Variants in CTNNA2 observed in about 807,000 individuals in gnomAD.
CTNNA2 encodes the protein catenin alpha 2, also known as catenin alpha-2.
CTNNA2 carries 42 observed loss-of-function variants against 101.0 expected under a neutral mutation model. The ratio of observed to expected loss-of-function variants is 0.42; its 90% CI spans 0.32 to 0.54. The LOEUF (loss-of-function observed/expected upper bound fraction) is 0.54. CTNNA2 is among the 20% of genes least tolerant of loss of function. The probability of loss-of-function intolerance (pLI) is 0.14; values close to 1 mark genes in which losing one functional copy is unlikely to be tolerated. For missense variants in CTNNA2, 871 were observed against 1,223.1 expected, an observed-to-expected ratio of 0.71 and a Z score of 4.29; for synonymous variants, 450 against 456.4, an observed-to-expected ratio of 0.99 and a Z score of 0.18.
chr2:79,310,866 T>C (rs1676351615), intron 2 of CTNNA2, among the ~76,000 whole-genome samples: 1 of 152,228 alleles, frequency 6.6e-6, no homozygotes, highest in South Asian at 2.1e-4. Context: ...ATAATTGTTC[T>C]TCATTTTCTC....
At chr2:80,283,270 G>T (rs886567250) in intron 7 of CTNNA2, among the ~76,000 whole-genome samples, 6 of 152,090 alleles carry the variant, frequency 3.9e-5, no homozygotes, top group Non-Finnish European at 8.8e-5. Flanking sequence ...AGGTCAGGGT[G>T]CAGGGAGGGG....
rs1046015109 is a variant in CTNNA2, at chr2:80,604,121, A to G, written c.2237A>G (p.Lys746Arg). The G allele has an allele frequency of 6.2e-7, 1 of 1,613,248 alleles. No individual in the cohort carries two copies. The highest frequency in any genetic ancestry group is 1.7e-5 in the Admixed American group (1 of 59,874). Residue 746 changes from lysine to arginine, a missense_variant, in exon 16 of 19, where the codon AAG (lysine) becomes AGG (arginine). Around this residue, in one of 5 missense-constraint regions of CTNNA2, gnomAD observed 93 missense variants for 223.7 expected, o/e 0.42. Coordinates refer to ENST00000402739, the MANE Select transcript of CTNNA2 (RefSeq NM_001282597.3). ...KNTSDVINAA[K>R]KIAEAGSRMD... ...ACATCTGATGTCATTAATGCTGCCA[A>G]GAAAATTGCCGAAGCAGGTTCTCGA...
chr2:79,794,428 AG>A (rs1197119784), intron 3 of CTNNA2, among the ~76,000 whole-genome samples: 1 of 152,322 alleles, frequency 6.6e-6, no homozygotes, highest in East Asian at 1.9e-4. Flanking sequence ...ACATATAAAA[AG>A]CTGTACATAT....
intron 2 of CTNNA2, among the ~76,000 whole-genome samples, chr2:79,715,205 C>CAAAAAAAAAAA (rs140432724): frequency 3.0e-5 from 2 of 66,334 alleles, no homozygotes; most frequent in South Asian, 5.7e-4. Flanking sequence ...AAAATTCCGT[C>CAAAAAAAAAAA]AAAAAAAAAA....
intron 7 of CTNNA2, among the ~76,000 whole-genome samples, chr2:80,297,952 G>A (rs181436514): frequency 1.3e-5 from 2 of 151,772 alleles, no homozygotes; most frequent in African/African-American, 4.8e-5. Context: ...TTACATAATG[G>A]TCACCTGCCT....
chr2:80,513,268 G>A (rs151032162), intron 9 of CTNNA2, among the ~76,000 whole-genome samples: 34 of 152,250 alleles, frequency 2.2e-4, no homozygotes, highest in African/African-American at 7.9e-4. Context: ...ATACCACCTG[G>A]CTTCTTCCCT....
intron 3 of CTNNA2, among the ~76,000 whole-genome samples, chr2:79,757,671 C>T (rs2105066092): frequency 6.6e-6 from 1 of 152,296 alleles, no homozygotes; most frequent in East Asian, 1.9e-4. Flanking sequence ...GCAAACCTGT[C>T]CACCCGAGAA....
At chr2:80,166,773 A>C (rs570619080) in intron 7 of CTNNA2, among the ~76,000 whole-genome samples, 1 of 151,934 alleles carries the variant, frequency 6.6e-6, no homozygotes, top group Non-Finnish European at 1.5e-5. Context: ...ATTTGTATTA[A>C]CTCTGGGAAG....
In CTNNA2 at chr2:79,717,352, G is replaced by A. The variant is rs558553269; in HGVS notation, c.103-27035G>A. On this transcript the variant is annotated intron_variant, in intron 2 of 18. Transcript: ENST00000402739. ...TTCTCAGTTTTGTTAGGTGTCCTTC[G>A]ACTTTTAATCACTGTGAAGAAATAG... Among the ~76,000 whole-genome samples, 149 of 152,176 alleles carry A rather than the reference G, an allele frequency of 9.8e-4. 1 individual carries two copies. The highest frequency in any genetic ancestry group is 3.4e-3 in the African/African-American group (140 of 41,512).
chr2:79,682,887 A>G (rs1030340415), intron 2 of CTNNA2, among the ~76,000 whole-genome samples: 4 of 152,250 alleles, frequency 2.6e-5, no homozygotes, highest in Admixed American at 2.6e-4. Flanking sequence ...CACTAGCAAG[A>G]GGAATATTAC....
At chr2:80,616,316 C>A (rs1316853704) in intron 17 of CTNNA2, 1 of 151,634 alleles carries the variant, frequency 6.6e-6, no homozygotes, top group Non-Finnish European at 1.5e-5. Context: ...CGAGAACTTC[C>A]AATTTGAATC....
chr2:79,341,524 G>A (rs1361166292), intron 3 of CTNNA2, among the ~76,000 whole-genome samples: 18 of 152,122 alleles, frequency 1.2e-4, no homozygotes. Context: ...GGTTTTCCAC[G>A]AATCTGTTAT....
At chr2:80,071,043 A>G (rs538420813) in intron 7 of CTNNA2, among the ~76,000 whole-genome samples, 10 of 152,330 alleles carry the variant, frequency 6.6e-5, no homozygotes, top group African/African-American at 2.4e-4. Flanking sequence ...ACTCTTTTTA[A>G]AAATCAGGTA....
rs188397510 is a variant in CTNNA2, at chr2:80,593,174, A to G, written c.2189+3689A>G. Among the ~76,000 whole-genome samples the G allele has an allele frequency of 6.5e-3, 983 of 152,244 alleles. 10 individuals are homozygous for G. The highest frequency in any genetic ancestry group is 0.021 in the African/African-American group (861 of 41,552). The stretch of plus-strand genomic sequence containing the variant: ...TACCCATAGCATCTTTTACAAACCC[A>G]CAAAATAGAAAATCTGGTCTAAGGT... On this transcript the variant is annotated intron_variant, in intron 15 of 18. Coordinates refer to ENST00000402739, the MANE Select transcript of CTNNA2 (RefSeq NM_001282597.3).
intron 12 of CTNNA2, among the ~76,000 whole-genome samples, chr2:80,565,600 G>GCAAC (rs113194636): frequency 6.6e-6 from 1 of 151,272 alleles, no homozygotes; most frequent in East Asian, 2.0e-4. Flanking sequence ...TTGCCTGGTA[G>GCAAC]AAACAGTGTG....
intron 3 of CTNNA2, among the ~76,000 whole-genome samples, chr2:79,334,056 C>G (rs928463571): frequency 6.6e-6 from 1 of 152,124 alleles, no homozygotes; most frequent in Non-Finnish European, 1.5e-5. Context: ...ATATCTGTCA[C>G]CTCAAACAGC....
At chr2:80,210,609 A>G (rs534504684) in intron 7 of CTNNA2, among the ~76,000 whole-genome samples, 4 of 152,118 alleles carry the variant, frequency 2.6e-5, no homozygotes, top group Non-Finnish European at 5.9e-5. Context: ...AATCCAGTCT[A>G]TCATTGATGG....
intron 2 of CTNNA2, among the ~76,000 whole-genome samples, chr2:79,232,584 A>T (rs1252427540): frequency 6.6e-6 from 1 of 152,176 alleles, no homozygotes; most frequent in Non-Finnish European, 1.5e-5. Flanking sequence ...CCTCCCTATC[A>T]ACTTTTTGGA....
intron 3 of CTNNA2, among the ~76,000 whole-genome samples, chr2:79,355,327 T>G (rs1677485009): frequency 6.6e-6 from 1 of 152,316 alleles, no homozygotes; most frequent in South Asian, 2.1e-4. Flanking sequence ...ATTATGGTCA[T>G]TTTTGTGATA....
Sources: gnomAD v4.1 joint callset for allele counts (sites outside exome capture counted in the v4.1 genomes callset) on GRCh38, gnomAD v4.1.1 for gene constraint, gnomAD v4.1.1 regional missense constraint, MANE v1.5 for transcripts, NCBI Gene and HGNC (gene_info 2026-07-23, HGNC 2026-07-21) for gene names.